The following RAD9A variants were observed in gnomAD, a reference collection of about 807,000 sequenced individuals.
RAD9A encodes RAD9 checkpoint clamp component A.
A neutral mutation model predicts 41.2 loss-of-function variants in RAD9A; 25 were observed. The ratio of observed to expected loss-of-function variants is 0.61; its 90% CI spans 0.44 to 0.85. The LOEUF is 0.85. Ranked by LOEUF, RAD9A falls within the 40% of genes least tolerant of loss-of-function variation. RAD9A has a pLI of 0.00. For synonymous variants in RAD9A, 252 were observed against 210.6 expected (o/e 1.20, Z -1.70); for missense variants, 514 against 518.3 (o/e 0.99, Z 0.08).
Position 67,397,401 on chromosome 11 carries a change from TGGAGGCAGGGGTG to T in RAD9A, c.1080+21_1080+33del. 1 of 1,580,550 alleles carries T rather than the reference TGGAGGCAGGGGTG, an allele frequency of 6.3e-7. No individual in the cohort carries two copies. Among genetic ancestry groups the T allele is most frequent in the Non-Finnish European group, 8.6e-7 (1 of 1,159,770 alleles). On this transcript the variant is annotated intron_variant, in intron 10 of 10. Coordinates refer to ENST00000307980, the MANE Select transcript of RAD9A (RefSeq NM_004584.3). ...CACCCAAGAAGGTAGGGACTGGAGGTGGAGGCAGGGGTGGGAGGTAGGGAAGGGAGCAGCCTCC... is the reference window on the plus strand; with the variant it reads ...CACCCAAGAAGGTAGGGACTGGAGGTGGAGGTAGGGAAGGGAGCAGCCTCC...
chr11:67,396,710 G>C (rs1039925922), intron 9 of RAD9A, among the ~76,000 whole-genome samples: 1 of 152,226 alleles, frequency 6.6e-6, no homozygotes, highest in African/African-American at 2.4e-5. Flanking sequence ...GCTGCTGGGA[G>C]GCAGGAGCTG....
chr11:67,397,088 G>C (rs1001347598), intron 9 of RAD9A, 91 bp from the exon 10 acceptor site: 5 of 924,906 alleles, frequency 5.4e-6, no homozygotes, highest in Non-Finnish European at 6.8e-6. Flanking sequence ...TCCAGTGGTC[G>C]GGGGCCCCAG....
At chr11:67,396,531 C>G (rs1033161430) in intron 9 of RAD9A, 131 bp downstream of exon 9, 3 of 1,207,962 alleles carry the variant, frequency 2.5e-6, no homozygotes, top group Non-Finnish European at 3.5e-6. Context: ...CAGGCCCCAG[C>G]CCCTAACCCT....
intron 2 of RAD9A, 31 bp downstream of exon 2, chr11:67,392,262 G>GGGGGGGGGGT: frequency 1.7e-6 from 1 of 600,788 alleles, no homozygotes; most frequent in Non-Finnish European, 3.0e-6. Flanking sequence ...GGGCGGGTGG[G>GGGGGGGGGGT]ACTCCAGCCG....
Position 67,393,699 on chromosome 11 carries a change from A to C in RAD9A, c.358A>C (p.Lys120Gln). The C allele has an allele frequency of 6.2e-7, 1 of 1,613,092 alleles. No homozygotes were observed. The highest frequency in any genetic ancestry group is 8.5e-7 in the Non-Finnish European group (1 of 1,179,426). The stretch of plus-strand genomic sequence containing the variant: ...CCCTATCGCCCATCCAGGGGTGCGG[A>C]AGACTCACAACCTGTCCTTCCAGGA... Reference protein sequence around the residue: ...VQLHCKFGVRKTHNLSFQDCE... With the variant: ...VQLHCKFGVRQTHNLSFQDCE... The change falls in exon 5 of 11, where the codon AAG (lysine) becomes CAG (glutamine). Residue 120 changes from lysine (K) to glutamine (Q), a missense_variant. Lys to Gln is a moderately conservative substitution (Grantham distance 53, BLOSUM62 1). Transcript: ENST00000307980.
intron 3 of RAD9A, 163 bp downstream of exon 3, chr11:67,392,945 G>T: frequency 2.9e-6 from 3 of 1,047,082 alleles, no homozygotes; most frequent in South Asian, 3.2e-5. Context: ...ATCACAGCGG[G>T]GACCTGAGAG....
Position 67,396,257 on chromosome 11 carries a change from G to A in RAD9A, c.735-6G>A. On this transcript the variant is annotated splice_region_variant and splice_polypyrimidine_tract_variant and intron_variant, in intron 8 of 10. Transcript: ENST00000307980. ...TGACCTAGCTTGGGCCCCCTCCCCTGCCCAGGCCCGCCATCTTCACCATCA... is the reference window on the plus strand; with the variant it reads ...TGACCTAGCTTGGGCCCCCTCCCCTACCCAGGCCCGCCATCTTCACCATCA... 6.2e-7 allele frequency: 1 copy of A among 1,613,996 alleles called. No individual in the cohort carries two copies. The highest frequency in any genetic ancestry group is 1.1e-5 in the South Asian group (1 of 91,082).
In RAD9A at chr11:67,397,976, C is replaced by T; in HGVS notation, c.*417C>T. The T allele has an allele frequency of 4.9e-6, 1 of 204,766 alleles. No homozygotes were observed. 12.7% of individuals were successfully genotyped at this position (204,766 alleles called of 1,614,324 possible). On this transcript the variant is annotated 3_prime_UTR_variant, in exon 11 of 11. Coordinates refer to ENST00000307980, the MANE Select transcript of RAD9A (RefSeq NM_004584.3). ...TCATGACCTGTTCCTTCCTGAAGTC[C>T]TGGGCATGCATCTGGGACCCCCGTG...
rs1202285755 is a variant in RAD9A, at chr11:67,393,622, G to T, written c.349+12G>T. ...GCATTGCAAGTTCGGTGAGTGGGCA[G>T]CCGGCCAGCCAAGGGGTGCCTCAGC... On this transcript the variant is annotated intron_variant, in intron 4 of 10. Transcript: ENST00000307980. The T allele has an allele frequency of 6.2e-7, 1 of 1,614,060 alleles. No homozygotes were observed. Among genetic ancestry groups the T allele is most frequent in the South Asian group, 1.1e-5 (1 of 91,078 alleles).
In RAD9A at chr11:67,392,094, C is replaced by A. The variant is rs1590927287; in HGVS notation, c.34+16C>A. 6.2e-7 allele frequency: 1 copy of A among 1,601,944 alleles called. No homozygotes were observed. The highest frequency in any genetic ancestry group is 8.5e-7 in the Non-Finnish European group (1 of 1,175,756). On this transcript the variant is annotated intron_variant, in intron 1 of 10. Coordinates refer to ENST00000307980, the MANE Select transcript of RAD9A (RefSeq NM_004584.3). The stretch of plus-strand genomic sequence containing the variant: ...AACGTGAAGGGTGAGTGCAGGTCGG[C>A]CTGGCAGCGGCGGTGCAGCAGCCGC...
Position 67,392,235 on chromosome 11 carries a change from A to T in RAD9A, c.105+4A>T. On this transcript the variant is annotated splice_donor_region_variant and intron_variant, in intron 2 of 10. Coordinates refer to ENST00000307980, the MANE Select transcript of RAD9A (RefSeq NM_004584.3). ...CCTGGAACCCTTGGAGGACGGGGTG[A>T]GGGGCTAGGGTGTGGGGGGCGGGTG... 20 of 407,220 alleles carry T rather than the reference A, an allele frequency of 4.9e-5. No homozygotes were observed. The highest frequency in any genetic ancestry group is 8.8e-5 in the Non-Finnish European group (19 of 215,004). 25.2% of individuals were successfully genotyped at this position (407,220 alleles called of 1,614,324 possible).
At chr11:67,396,475 C>T in intron 9 of RAD9A, 75 bp downstream of exon 9, 1 of 1,532,792 alleles carries the variant, frequency 6.5e-7, no homozygotes, top group Non-Finnish European at 8.9e-7. Context: ...CTCCTAGCTT[C>T]TGCACCTCCC....
Position 67,392,179 on chromosome 11 carries a change from A to G in RAD9A, c.53A>G (p.His18Arg), listed in dbSNP as rs753386933. 2.1e-6 allele frequency: 3 copies of G among 1,454,970 alleles called. No homozygotes were observed. The highest frequency in any genetic ancestry group is 3.8e-5 in the Admixed American group (2 of 53,048). The allele number at this position is 1,454,970 out of a possible 1,614,324, so 90.1% of individuals were successfully genotyped here. A position where few individuals can be genotyped will look rare whatever the true frequency, so the allele number is the denominator to read the frequency against. Reference sequence around the variant, plus strand: ...CCCGCAGTGCTCGGCAAGGCCGTCCACTCCCTGTCCCGCATCGGGGACGAG... The same window carrying G: ...CCCGCAGTGCTCGGCAAGGCCGTCCGCTCCCTGTCCCGCATCGGGGACGAG... ...GNVKVLGKAV[H>R]SLSRIGDELY... The change falls in exon 2 of 11, where the codon CAC becomes CGC. Residue 18 changes from histidine to arginine, a missense_variant. His to Arg is a conservative substitution (Grantham distance 29, BLOSUM62 0). Coordinates refer to ENST00000307980, the MANE Select transcript of RAD9A (RefSeq NM_004584.3).
In RAD9A at chr11:67,392,658, C is replaced by T; in HGVS notation, c.110C>T (p.Ser37Phe). The T allele has an allele frequency of 6.2e-7, 1 of 1,613,708 alleles. No individual in the cohort carries two copies. ...LYLEPLEDGL[S>F]LRTVNSSRSA... ...TCCCTGCTCTTCGTGGCCCAGCTCT[C>T]CCTCCGGACGGTGAACTCCTCCCGC... Residue 37 changes from serine to phenylalanine, a missense_variant, in exon 3 of 11, where the codon TCC (serine) becomes TTC (phenylalanine). By Grantham distance (155) the Ser-to-Phe change is radical. This residue lies in a region of RAD9A where 268 missense variants were observed against 279.3 expected (regional missense o/e 0.96). Transcript: ENST00000307980.
chr11:67,396,465 C>T, intron 9 of RAD9A, 65 bp downstream of exon 9: 1 of 1,561,992 alleles, frequency 6.4e-7, no homozygotes, highest in Admixed American at 1.7e-5. Context: ...GAGACTGCAA[C>T]TCCTAGCTTC....
Position 67,395,764 on chromosome 11 carries a change from G to A in RAD9A, c.498G>A (p.Val166=). The A allele has an allele frequency of 6.2e-6, 10 of 1,613,660 alleles. No homozygotes were observed. The highest frequency in any genetic ancestry group is 8.5e-6 in the Non-Finnish European group (10 of 1,179,834). The change falls in exon 6 of 11, where the codon GTG becomes GTA. Residue 166 remains valine (V), a synonymous_variant. Transcript: ENST00000307980. The stretch of plus-strand genomic sequence containing the variant: ...CCTTCTCTCCTGCACTGGCTGAAGT[G>A]ACGCTGGGCATTGGCCGTGGCCGCA... ...VLPFSPALAE[V]TLGIGRGRRV... is the part of the protein sequence containing the mutation.
intron 5 of RAD9A, chr11:67,395,300 C>T (rs1047714269): frequency 7.0e-5 from 12 of 172,406 alleles, no homozygotes; most frequent in Admixed American, 6.1e-4. Context: ...TATGTGCTGC[C>T]GAAGCAAGCA....
chr11:67,396,513 C>T (rs1590931792), intron 9 of RAD9A, 113 bp downstream of exon 9: 1 of 1,349,402 alleles, frequency 7.4e-7, no homozygotes, highest in Non-Finnish European at 1.0e-6. Flanking sequence ...CGCCCCTTCT[C>T]TTTCTATCAG....
In RAD9A at chr11:67,393,753, C is replaced by T. The variant is rs762978138; in HGVS notation, c.412C>T (p.Pro138Ser). The change falls in exon 5 of 11, where the codon CCA (proline) becomes TCA (serine). Residue 138 changes from proline (P) to serine (S), a missense_variant. Physicochemically the swap from Pro to Ser is moderately conservative, Grantham distance 74 (BLOSUM62 -1). Around this residue, in one of 3 missense-constraint regions of RAD9A, gnomAD observed 268 missense variants for 279.3 expected, o/e 0.96. Coordinates refer to ENST00000307980, the MANE Select transcript of RAD9A (RefSeq NM_004584.3). ...DCESLQAVFD[P>S]ASCPHMLRAP... Reference sequence around the variant, plus strand: ...TGAGTCCCTGCAGGCCGTCTTCGACCCAGCCTCGTGCCCCCACATGCTCCG... The same window carrying T: ...TGAGTCCCTGCAGGCCGTCTTCGACTCAGCCTCGTGCCCCCACATGCTCCG... The T allele has an allele frequency of 7.4e-6, 12 of 1,612,092 alleles. No individual in the cohort carries two copies. Among genetic ancestry groups the T allele is most frequent in the Non-Finnish European group, 1.0e-5 (12 of 1,179,490 alleles).
Sources: gnomAD v4.1 joint callset for allele counts (sites outside exome capture counted in the v4.1 genomes callset) on GRCh38, gnomAD v4.1.1 for gene constraint, gnomAD v4.1.1 regional missense constraint, MANE v1.5 for transcripts, NCBI Gene and HGNC (gene_info 2026-07-23, HGNC 2026-07-21) for gene names.